Variants in DRD2 observed in about 807,000 individuals in gnomAD.
DRD2 encodes dopamine receptor D2, also known as D(2) dopamine receptor.
DRD2 carries 8 observed loss-of-function variants against 38.0 expected under a neutral mutation model. The observed-to-expected ratio is 0.21, with a 90% CI of 0.12 to 0.38. The LOEUF (loss-of-function observed/expected upper bound fraction) is 0.38, where lower values mean the gene tolerates loss of function less well. Ranked by LOEUF, DRD2 falls within the 10% of genes least tolerant of loss-of-function variation. DRD2 has a pLI of 1.00. For missense variants in DRD2, 403 were observed against 607.7 expected (o/e 0.66, Z 3.54); for synonymous variants, 230 against 238.6 (o/e 0.96, Z 0.33).
At chr11:113,427,998 G>A (rs1950955241) in intron 1 of DRD2, among the ~76,000 whole-genome samples, 1 of 152,160 alleles carries the variant, frequency 6.6e-6, no homozygotes, top group Non-Finnish European at 1.5e-5. Context: ...CAGCAAGAAG[G>A]CGGCCATCTG....
chr11:113,421,835 T>C (rs1950887302), intron 2 of DRD2, among the ~76,000 whole-genome samples: 1 of 152,136 alleles, frequency 6.6e-6, no homozygotes. Flanking sequence ...TAATGTCCAT[T>C]AAACAAGGCT....
intron 1 of DRD2, chr11:113,447,718 T>G (rs1182636121): frequency 1.3e-5 from 2 of 152,242 alleles, no homozygotes; most frequent in East Asian, 1.9e-4. Flanking sequence ...AGTCAGCATC[T>G]GGCTTCTGGC....
At chr11:113,448,133 G>T (rs114419425) in intron 1 of DRD2, among the ~76,000 whole-genome samples, 8 of 152,316 alleles carry the variant, frequency 5.3e-5, no homozygotes, top group African/African-American at 1.7e-4. Context: ...ATGGAACCAC[G>T]AAACAGGGAG....
rs369393580 is a variant in DRD2, at chr11:113,428,360, C to T, written c.-31-3678G>A. Reference sequence around the variant, plus strand: ...GCAACAGGGTAGGGCCTTTAATCCCCTCTCATAGATGTCACAGCTTCTGGC... The same window carrying T: ...GCAACAGGGTAGGGCCTTTAATCCCTTCTCATAGATGTCACAGCTTCTGGC... On this transcript the variant is annotated intron_variant, in intron 1 of 7. Transcript: ENST00000362072. Among the ~76,000 whole-genome samples, 206 of 152,308 alleles carry T rather than the reference C, an allele frequency of 1.4e-3. 7 individuals carry two copies. The South Asian group carries it at 0.04, about 30-fold the overall frequency.
chr11:113,443,928 TA>T (rs1160021864), intron 1 of DRD2, among the ~76,000 whole-genome samples: 8 of 152,208 alleles, frequency 5.3e-5, no homozygotes, highest in African/African-American at 1.9e-4. Flanking sequence ...TGCTGTGCTT[TA>T]AAAAATAAAA....
intron 1 of DRD2, among the ~76,000 whole-genome samples, chr11:113,465,585 G>A (rs1951360917): frequency 6.6e-6 from 1 of 152,118 alleles, no homozygotes; most frequent in Admixed American, 6.5e-5. Flanking sequence ...CTAAGCCTTT[G>A]GCCTTACCTT....
rs1299076782 is a variant in DRD2 at position 113,412,878 on chromosome 11, A to G, written c.816T>C (p.Ala272=). 5.6e-6 allele frequency: 9 copies of G among 1,610,840 alleles called. No homozygotes were observed. Among genetic ancestry groups the G allele is most frequent in the Admixed American group, 1.7e-5 (1 of 59,940 alleles). Reference sequence around the variant, plus strand: ...TCTCCAGCTCCTGGGCTCGCCGGGCAGCCTCCTGCACCAGAGGCAGAGGGC... The same window carrying G: ...TCTCCAGCTCCTGGGCTCGCCGGGCGGCCTCCTGCACCAGAGGCAGAGGGC... ...SFPVNRRRVE[A]ARRAQELEME... Residue 272 remains alanine, a synonymous_variant, in exon 7 of 8, where the codon GCT becomes GCC. Transcript: ENST00000362072.
intron 1 of DRD2, among the ~76,000 whole-genome samples, chr11:113,454,635 C>G (rs1251635669): frequency 6.6e-6 from 1 of 152,168 alleles, no homozygotes; most frequent in Non-Finnish European, 1.5e-5. Context: ...TTGTAAAAGT[C>G]AGAGCTCCCT....
In DRD2 at chr11:113,424,517, G is replaced by A. The variant is rs201795635; in HGVS notation, c.135C>T (p.Ile45=). 9.3e-6 allele frequency: 15 copies of A among 1,614,142 alleles called. No individual in the cohort carries two copies. Among genetic ancestry groups the A allele is most frequent in the East Asian group, 2.2e-5 (1 of 44,896 alleles). ...NYYATLLTLL[I]AVIVFGNVLV... is the part of the protein sequence containing the mutation. The stretch of plus-strand genomic sequence containing the variant: ...GCACGTTGCCGAAGACGATGACAGC[G>A]ATGAGCAGGGTGAGCAGTGTGGCAT... The change falls in exon 2 of 8, where the codon ATC becomes ATT. Residue 45 remains isoleucine, a synonymous_variant. Coordinates refer to ENST00000362072, the MANE Select transcript of DRD2 (RefSeq NM_000795.4).
intron 1 of DRD2, among the ~76,000 whole-genome samples, chr11:113,469,694 G>A (rs1401966896): frequency 2.0e-5 from 3 of 152,098 alleles, no homozygotes; most frequent in Non-Finnish European, 4.4e-5. Context: ...TAAAAAATTA[G>A]TTGGGCATGC....
At chr11:113,449,719 A>G (rs1405164311) in intron 1 of DRD2, among the ~76,000 whole-genome samples, 1 of 152,112 alleles carries the variant, frequency 6.6e-6, no homozygotes, top group Non-Finnish European at 1.5e-5. Context: ...CTGGAGTAAC[A>G]GTTGAAGAGA....
chr11:113,450,357 G>T (rs1409666680), intron 1 of DRD2, among the ~76,000 whole-genome samples: 1 of 152,202 alleles, frequency 6.6e-6, no homozygotes, highest in East Asian at 1.9e-4. Flanking sequence ...ACCAAGCAGG[G>T]CAGGGTTATT....
chr11:113,419,190 C>A (rs537343982), intron 2 of DRD2, among the ~76,000 whole-genome samples: 1 of 152,304 alleles, frequency 6.6e-6, no homozygotes, highest in African/African-American at 2.4e-5. Flanking sequence ...CAGTACATGG[C>A]AGAGTCGGGG....
At chr11:113,430,074 G>A (rs1050232053) in intron 1 of DRD2, among the ~76,000 whole-genome samples, 4 of 152,220 alleles carry the variant, frequency 2.6e-5, no homozygotes, top group African/African-American at 9.6e-5. Flanking sequence ...AGGTCCTCCT[G>A]GGCCCACTGC....
At chr11:113,426,351 C>T (rs537014579) in intron 1 of DRD2, among the ~76,000 whole-genome samples, 15 of 152,162 alleles carry the variant, frequency 9.9e-5, no homozygotes, top group African/African-American at 3.4e-4. Context: ...ACTTGACAGC[C>T]GGAGTTTTGG....
intron 1 of DRD2, among the ~76,000 whole-genome samples, chr11:113,469,032 T>C (rs988258490): frequency 6.6e-6 from 1 of 152,226 alleles, no homozygotes; most frequent in African/African-American, 2.4e-5. Context: ...AGTCTGGCTT[T>C]CATCCTTTGG....
rs116981181 is a variant in DRD2 at position 113,460,115 on chromosome 11, G to A, written c.-32+14961C>T. On this transcript the variant is annotated intron_variant, in intron 1 of 7. Transcript: ENST00000362072. ...TGTGTCTGGCAGACAGAAACTCAGC[G>A]GCTATGATTAGAGGCACTATCAAAT... is the stretch of plus-strand genomic sequence containing the variant. Among the ~76,000 whole-genome samples, 226 of 152,326 alleles carry A rather than the reference G, an allele frequency of 1.5e-3. 2 individuals carry two copies. Among genetic ancestry groups the A allele is most frequent in the Middle Eastern group, 3.4e-3 (1 of 294 alleles).
intron 1 of DRD2, 90 bp from the exon 2 acceptor site, chr11:113,424,772 G>A (rs1591281148): frequency 7.7e-7 from 1 of 1,301,596 alleles, no homozygotes; most frequent in East Asian, 2.4e-5. Context: ...ATTTAATAAT[G>A]AGAATTTTCC....
chr11:113,412,700 T>C lies in DRD2; in HGVS notation c.994A>G (p.Lys332Glu). 1 of 1,614,224 alleles carries C rather than the reference T, an allele frequency of 6.2e-7. No homozygotes were observed. Among genetic ancestry groups the C allele is most frequent in the Non-Finnish European group, 8.5e-7 (1 of 1,180,032 alleles). ...ATCTTGGCAATCTTGGGGTGGTCTT[T>C]GGCATGCCCATTCTTCTCTGGTTTG... is the stretch of plus-strand genomic sequence containing the variant. Reference protein sequence around the residue: ...PAKPEKNGHAKDHPKIAKIFE... With the variant: ...PAKPEKNGHAEDHPKIAKIFE... The change falls in exon 7 of 8, where the codon AAA (lysine) becomes GAA (glutamate). Residue 332 changes from lysine to glutamate, a missense_variant. By Grantham distance (56) the Lys-to-Glu change is moderately conservative. This residue lies in a region of DRD2 where 166 missense variants were observed against 178.6 expected (regional missense o/e 0.93). Coordinates refer to ENST00000362072, the MANE Select transcript of DRD2 (RefSeq NM_000795.4).
Sources: allele counts gnomAD v4.1 joint callset (sites outside exome capture counted in the v4.1 genomes callset), GRCh38; gene constraint gnomAD v4.1.1; regional missense constraint gnomAD v4.1.1; transcripts MANE v1.5; gene names NCBI Gene and HGNC (gene_info 2026-07-23, HGNC 2026-07-21).